The following NEK11 variants were observed in gnomAD, a reference collection of about 807,000 sequenced individuals.
NEK11 encodes NIMA related kinase 11.
In NEK11, 72 loss-of-function variants were observed where a neutral mutation model predicts 80.7. That is an observed-to-expected ratio of 0.89 (90% CI 0.74 to 1.08). The LOEUF is 1.08. Ranked by LOEUF, NEK11 falls within the 50% of genes least tolerant of loss-of-function variation. The probability of loss-of-function intolerance (pLI) is 0.00; values close to 1 mark genes in which losing one functional copy is unlikely to be tolerated. For synonymous variants in NEK11, 251 were observed against 260.7 expected, an observed-to-expected ratio of 0.96 and a Z score of 0.36; for missense variants, 764 against 763.6, an observed-to-expected ratio of 1.00 and a Z score of -0.01.
chr3:131,191,451 T>C (rs949438875), intron 14 of NEK11, among the ~76,000 whole-genome samples: 7 of 152,174 alleles, frequency 4.6e-5, no homozygotes, highest in Non-Finnish European at 1.0e-4. Context: ...GCCATCTCTC[T>C]GGTTCTCCCT....
chr3:131,035,708 C>T (rs561058270), intron 3 of NEK11, among the ~76,000 whole-genome samples: 2 of 152,266 alleles, frequency 1.3e-5, no homozygotes, highest in East Asian at 3.9e-4. Flanking sequence ...CACCCTCCCA[C>T]CATTTTCTGG....
intron 17 of NEK11, chr3:131,328,925 C>A: frequency 6.6e-6 from 1 of 152,310 alleles, no homozygotes; most frequent in Non-Finnish European, 1.5e-5. Flanking sequence ...ACTCTGGAGT[C>A]GTCCTCAGAG....
At chr3:131,288,171 A>G (rs1341975646) in intron 17 of NEK11, among the ~76,000 whole-genome samples, 1 of 152,020 alleles carries the variant, frequency 6.6e-6, no homozygotes, top group East Asian at 1.9e-4. Flanking sequence ...GTGTGTTCTG[A>G]TTTCATGCTG....
chr3:131,096,736 TTTA>T (rs1327417369), intron 4 of NEK11, among the ~76,000 whole-genome samples: 1 of 152,088 alleles, frequency 6.6e-6, no homozygotes, highest in East Asian at 1.9e-4. Flanking sequence ...TTAATTTTAT[TTTA>T]TTATTATTGT....
chr3:131,333,118 A>T (rs931847069), intron 17 of NEK11, among the ~76,000 whole-genome samples: 1 of 152,138 alleles, frequency 6.6e-6, no homozygotes, highest in Non-Finnish European at 1.5e-5. Flanking sequence ...TACAGAGAAC[A>T]CCACAAAGAT....
At chr3:131,070,199 C>T (rs74948100) in intron 3 of NEK11, among the ~76,000 whole-genome samples, 18 of 152,260 alleles carry the variant, frequency 1.2e-4, no homozygotes, top group Admixed American at 7.2e-4. Context: ...CTTCTCAAAG[C>T]GTAATGGAGT....
intron 4 of NEK11, among the ~76,000 whole-genome samples, chr3:131,081,336 T>TC (rs2075240583): frequency 6.6e-6 from 1 of 152,176 alleles, no homozygotes; most frequent in African/African-American, 2.4e-5. Context: ...ATGGCTTTTT[T>TC]CCCCACAAGA....
chr3:131,247,713 A>G (rs1239579970), intron 16 of NEK11, among the ~76,000 whole-genome samples: 1 of 151,712 alleles, frequency 6.6e-6, no homozygotes, highest in Non-Finnish European at 1.5e-5. Flanking sequence ...CACAATGTTG[A>G]TTCTCTCCAT....
chr3:131,206,283 A>T (rs888932274), intron 14 of NEK11, among the ~76,000 whole-genome samples: 1 of 152,248 alleles, frequency 6.6e-6, no homozygotes, highest in African/African-American at 2.4e-5. Context: ...AATTGTAGAC[A>T]GTTTACCATG....
chr3:131,349,725 G>A lies in NEK11; in HGVS notation c.1887G>A (p.Glu629=), dbSNP rs2097426443. 1 of 1,614,054 alleles carries A rather than the reference G, an allele frequency of 6.2e-7. No homozygotes were observed. Among genetic ancestry groups the A allele is most frequent in the African/African-American group, 1.3e-5 (1 of 74,918 alleles). ...TGGACCAGCTCCTGTACTTTGAAGA[G>A]CAGTTGCTGATCACGATGGGAAAAG... ...FEVDQLLYFE[E]QLLITMGKEP... Residue 629 remains glutamate, a synonymous_variant, in exon 18 of 18, where the codon GAG becomes GAA. Transcript: ENST00000383366.
At chr3:131,032,381 A>T (rs2065002632) in intron 3 of NEK11, among the ~76,000 whole-genome samples, 1 of 152,236 alleles carries the variant, frequency 6.6e-6, no homozygotes, top group African/African-American at 2.4e-5. Flanking sequence ...TGGACTGCTA[A>T]AGCTAGGCAG....
intron 16 of NEK11, among the ~76,000 whole-genome samples, chr3:131,270,433 T>C (rs1242887352): frequency 2.0e-5 from 3 of 152,214 alleles, no homozygotes; most frequent in African/African-American, 7.2e-5. Flanking sequence ...GATCCCTGGA[T>C]GATTTGTATG....
At chr3:131,176,565 A>G (rs911046833) in intron 14 of NEK11, among the ~76,000 whole-genome samples, 2 of 152,184 alleles carry the variant, frequency 1.3e-5, no homozygotes, top group African/African-American at 4.8e-5. Flanking sequence ...AGATGTGCTG[A>G]TTCTCCACCC....
At chr3:131,064,663 A>T (rs1440648264) in intron 3 of NEK11, among the ~76,000 whole-genome samples, 1 of 152,192 alleles carries the variant, frequency 6.6e-6, no homozygotes, top group Non-Finnish European at 1.5e-5. Context: ...ACCTCTGGGG[A>T]TATACTAAAA....
At chr3:131,145,342 G>A (rs2087927928) in intron 7 of NEK11, among the ~76,000 whole-genome samples, 1 of 151,862 alleles carries the variant, frequency 6.6e-6, no homozygotes, top group African/African-American at 2.4e-5. Flanking sequence ...ATTCATCAAA[G>A]TAGAGTTATA....
At chr3:131,306,812 G>C (rs1461266803) in intron 17 of NEK11, among the ~76,000 whole-genome samples, 1 of 152,176 alleles carries the variant, frequency 6.6e-6, no homozygotes, top group East Asian at 1.9e-4. Context: ...TGGGGACCCT[G>C]TATAACTGGG....
At chr3:131,037,507 C>T (rs1240472628) in intron 3 of NEK11, among the ~76,000 whole-genome samples, 1 of 152,212 alleles carries the variant, frequency 6.6e-6, no homozygotes, top group Non-Finnish European at 1.5e-5. Context: ...TAGTCTCAAA[C>T]TCTTAACCTC....
intron 5 of NEK11, among the ~76,000 whole-genome samples, chr3:131,114,361 C>T (rs527430397): frequency 8.5e-5 from 13 of 152,128 alleles, no homozygotes; most frequent in East Asian, 1.9e-4. Context: ...ATGTTCTTGC[C>T]GAAGGGAGTC....
chr3:131,310,939 C>T (rs2096776007), intron 17 of NEK11, among the ~76,000 whole-genome samples: 1 of 152,210 alleles, frequency 6.6e-6, no homozygotes, highest in South Asian at 2.1e-4. Flanking sequence ...CATAGACCTC[C>T]TTCCTAAGCC....
Sources: allele counts gnomAD v4.1 joint callset (sites outside exome capture counted in the v4.1 genomes callset), GRCh38; gene constraint gnomAD v4.1.1; transcripts MANE v1.5; gene names NCBI Gene and HGNC (gene_info 2026-07-23, HGNC 2026-07-21).